CFAP54: variants seen among roughly 807,000 people sequenced by gnomAD.
CFAP54 encodes cilia- and flagella-associated protein 54.
A neutral mutation model predicts 370.4 loss-of-function variants in CFAP54; 290 were observed. The ratio of observed to expected loss-of-function variants is 0.78; its 90% CI spans 0.71 to 0.86. The LOEUF (loss-of-function observed/expected upper bound fraction) is 0.86. Among genes scored for constraint, CFAP54 ranks in the 40% least tolerant of loss-of-function variants. The probability of loss-of-function intolerance (pLI) is 0.00; values close to 1 mark genes in which losing one functional copy is unlikely to be tolerated. For missense variants in CFAP54, 3,399 were observed against 3,528.7 expected, an observed-to-expected ratio of 0.96 and a Z score of 0.93; for synonymous variants, 1,206 against 1,236.5, an observed-to-expected ratio of 0.98 and a Z score of 0.52.
At chr12:96,570,788 A>T (rs1955910020) in intron 19 of CFAP54, among the ~76,000 whole-genome samples, 1 of 152,222 alleles carries the variant, frequency 6.6e-6, no homozygotes, top group Non-Finnish European at 1.5e-5. Context: ...TCATATCAGA[A>T]CTATTATTAT....
chr12:96,725,796 G>A (rs1007750626), intron 50 of CFAP54, among the ~76,000 whole-genome samples: 17 of 152,090 alleles, frequency 1.1e-4, no homozygotes, highest in African/African-American at 4.1e-4. Context: ...CATTCAGTAT[G>A]ATATTGGCTG....
At chr12:96,785,238 A>T (rs1009591038) in intron 61 of CFAP54, among the ~76,000 whole-genome samples, 1 of 152,196 alleles carries the variant, frequency 6.6e-6, no homozygotes, top group African/African-American at 2.4e-5. Flanking sequence ...GCTTTAGAGA[A>T]AGAGTGGTCC....
intron 33 of CFAP54, chr12:96,645,337 C>T: frequency 6.2e-6 from 2 of 320,924 alleles, no homozygotes; most frequent in Non-Finnish European, 1.3e-5. Flanking sequence ...CATGAGTGAA[C>T]TCCCATTCAC....
chr12:96,559,515 CT>C (rs1955793346), intron 17 of CFAP54, among the ~76,000 whole-genome samples: 1 of 152,066 alleles, frequency 6.6e-6, no homozygotes, highest in South Asian at 2.1e-4. Flanking sequence ...TCCACATAAC[CT>C]TCACCTAAAT....
chr12:96,796,503 T>C (rs1488692550), intron 63 of CFAP54, among the ~76,000 whole-genome samples: 1 of 152,154 alleles, frequency 6.6e-6, no homozygotes, highest in Non-Finnish European at 1.5e-5. Flanking sequence ...TTCTGAGAAA[T>C]AGCGATATCA....
chr12:96,728,680 CAA>C (rs1210003653), intron 50 of CFAP54, among the ~76,000 whole-genome samples: 1 of 152,234 alleles, frequency 6.6e-6, no homozygotes, highest in African/African-American at 2.4e-5. Flanking sequence ...CTCAACTCGT[CAA>C]AGTCATTCTC....
chr12:96,757,456 G>T (rs1958274070), intron 57 of CFAP54, 39 bp from the exon 58 acceptor site: 1 of 1,177,420 alleles, frequency 8.5e-7, no homozygotes, highest in South Asian at 1.5e-5. Flanking sequence ...ATTATGCATG[G>T]TGAAGCTATT....
chr12:96,634,572 T>A lies in CFAP54; in HGVS notation c.4316+3921T>A, dbSNP rs377097432. On this transcript the variant is annotated intron_variant, in intron 32 of 67. Transcript: ENST00000524981. ...TCTTCTCATCCTCTTCACAGATTCT[T>A]TTGCAGAGCACAATTTTTAAATCTT... Among the ~76,000 whole-genome samples, 7 of 152,340 alleles carry A rather than the reference T, an allele frequency of 4.6e-5. No individual in the cohort carries two copies. In the East Asian group the frequency reaches 7.7e-4, roughly 17 times the overall value.
chr12:96,658,255 A>T lies in CFAP54; in HGVS notation c.5369A>T (p.Gln1790Leu). 6.2e-7 allele frequency: 1 copy of T among 1,614,186 alleles called. No homozygotes were observed. The highest frequency in any genetic ancestry group is 8.5e-7 in the Non-Finnish European group (1 of 1,179,998). ...GTGACACCACTTCTGGTGTATGCAC[A>T]GCGCCAGCTTCTGCTGAGAATACAG... ...EQVTPLLVYA[Q>L]RQLLLRIQKF... The change falls in exon 38 of 68, where the codon CAG (glutamine) becomes CTG (leucine). Residue 1790 changes from glutamine (Q) to leucine (L), a missense_variant. Coordinates refer to ENST00000524981, the MANE Select transcript of CFAP54 (RefSeq NM_001306084.2).
chr12:96,490,505 C>T (rs974686048), intron 1 of CFAP54, among the ~76,000 whole-genome samples: 2 of 151,978 alleles, frequency 1.3e-5, no homozygotes, highest in African/African-American at 2.4e-5. Context: ...AACCCTTGAG[C>T]GAGCCAAAAA....
At chr12:96,669,656 C>T (rs914213669) in intron 39 of CFAP54, among the ~76,000 whole-genome samples, 1 of 152,114 alleles carries the variant, frequency 6.6e-6, no homozygotes, top group Non-Finnish European at 1.5e-5. Context: ...ATGCCTTCAC[C>T]CAGACAGGAA....
intron 17 of CFAP54, among the ~76,000 whole-genome samples, chr12:96,559,686 A>T (rs937136505): frequency 6.6e-6 from 1 of 152,140 alleles, no homozygotes; most frequent in African/African-American, 2.4e-5. Context: ...ATATACATGG[A>T]CATATCCATA....
At chr12:96,602,850 CTT>C (rs1956258924) in intron 26 of CFAP54, among the ~76,000 whole-genome samples, 1 of 152,074 alleles carries the variant, frequency 6.6e-6, no homozygotes, top group Non-Finnish European at 1.5e-5. Flanking sequence ...CTATGTGTGT[CTT>C]TGCATGTAAG....
intron 66 of CFAP54, among the ~76,000 whole-genome samples, chr12:96,829,541 C>T (rs930017051): frequency 2.0e-5 from 3 of 151,774 alleles, no homozygotes; most frequent in Non-Finnish European, 2.9e-5. Context: ...GTTTCTTTTA[C>T]GTATTTGTTG....
intron 8 of CFAP54, among the ~76,000 whole-genome samples, chr12:96,523,502 A>G (rs1219787288): frequency 1.3e-5 from 2 of 152,312 alleles, no homozygotes; most frequent in East Asian, 1.9e-4. Context: ...ACTTAGTGAC[A>G]ATATTGACTA....
intron 19 of CFAP54, among the ~76,000 whole-genome samples, chr12:96,573,973 G>A (rs942970742): frequency 1.1e-4 from 17 of 152,160 alleles, no homozygotes; most frequent in East Asian, 3.8e-4. Flanking sequence ...ATTCATCATC[G>A]TGGATACATT....
intron 15 of CFAP54, among the ~76,000 whole-genome samples, chr12:96,550,578 A>G (rs1265875083): frequency 5.3e-5 from 8 of 151,982 alleles, no homozygotes; most frequent in Non-Finnish European, 1.2e-4. Flanking sequence ...CTCTGTCTCA[A>G]AAAATAAAAA....
At chr12:96,693,648 T>G (rs1005270089) in intron 44 of CFAP54, 74 bp from the exon 45 acceptor site, 9 of 940,052 alleles carry the variant, frequency 9.6e-6, no homozygotes, top group Non-Finnish European at 1.2e-5. Flanking sequence ...ATTTAATATT[T>G]GGCTAAATTT....
intron 22 of CFAP54, 90 bp downstream of exon 22, chr12:96,581,195 GCAGATATT>G: frequency 1.1e-6 from 1 of 929,256 alleles, no homozygotes; most frequent in Non-Finnish European, 1.5e-6. Flanking sequence ...AAAAATCACA[GCAGATATT>G]CTAAAGCTCC....
Sources: gnomAD v4.1 joint callset for allele counts (sites outside exome capture counted in the v4.1 genomes callset) on GRCh38, gnomAD v4.1.1 for gene constraint, MANE v1.5 for transcripts, NCBI Gene and HGNC (gene_info 2026-07-23, HGNC 2026-07-21) for gene names.